CALCR: variants seen among roughly 807,000 people sequenced by gnomAD.
The protein encoded by CALCR is calcitonin receptor.
A neutral mutation model predicts 59.5 loss-of-function variants in CALCR; 47 were observed. That is an observed-to-expected ratio of 0.79 (90% CI 0.63 to 1.01). CALCR has a LOEUF of 1.01. CALCR is among the 50% of genes least tolerant of loss of function. CALCR has a pLI of 0.00. For missense variants in CALCR, 566 were observed against 597.1 expected (o/e 0.95, Z 0.54); for synonymous variants, 213 against 211.3 (o/e 1.01, Z -0.07).
At chr7:93,453,672 G>C (rs966276465) in intron 8 of CALCR, among the ~76,000 whole-genome samples, 1 of 151,884 alleles carries the variant, frequency 6.6e-6, no homozygotes, top group African/African-American at 2.4e-5. Context: ...TGTAAAACAT[G>C]TCACAAGATA....
intron 2 of CALCR, among the ~76,000 whole-genome samples, chr7:93,499,695 T>TA (rs1238391378): frequency 5.3e-5 from 8 of 151,786 alleles, no homozygotes; most frequent in Non-Finnish European, 1.0e-4. Flanking sequence ...ATTGGTTAAA[T>TA]ATGTTGGTGC....
At chr7:93,555,827 G>A (rs537212592) in intron 2 of CALCR, among the ~76,000 whole-genome samples, 11 of 152,216 alleles carry the variant, frequency 7.2e-5, no homozygotes, top group Non-Finnish European at 2.9e-5. Flanking sequence ...CTAGACTTGG[G>A]CTGATCAGTG....
rs554141474 is a variant in CALCR at position 93,481,508 on chromosome 7, GA to G, written c.52-2002del. On this transcript the variant is annotated intron_variant, in intron 3 of 13. Coordinates refer to ENST00000426151, the MANE Select transcript of CALCR (RefSeq NM_001742.4). Reference sequence around the variant, plus strand: ...CAGATAATTAGCCTAGATATTTGGGGAAAAAAATAGTTCCCAAGAAAGGGAA... The same window carrying G: ...CAGATAATTAGCCTAGATATTTGGGGAAAAAATAGTTCCCAAGAAAGGGAA... Among the ~76,000 whole-genome samples, 466 of 151,796 alleles carry G rather than the reference GA, an allele frequency of 3.1e-3. 8 individuals carry two copies. The highest frequency in any genetic ancestry group is 9.6e-4 in the Non-Finnish European group (65 of 67,808).
intron 10 of CALCR, 35 bp from the exon 11 acceptor site, chr7:93,438,161 T>C (rs1799822390): frequency 6.2e-7 from 1 of 1,610,050 alleles, no homozygotes; most frequent in Non-Finnish European, 8.5e-7. Flanking sequence ...AATACACAAA[T>C]ACATTTTGTT....
chr7:93,485,651 G>T (rs1800926175), intron 3 of CALCR, among the ~76,000 whole-genome samples: 1 of 151,492 alleles, frequency 6.6e-6, no homozygotes, highest in Non-Finnish European at 1.5e-5. Flanking sequence ...CATAAGGCCT[G>T]GGTATTTACT....
intron 3 of CALCR, 46 bp downstream of exon 3, chr7:93,486,884 TC>T (rs1484923507): frequency 9.1e-7 from 1 of 1,101,616 alleles, no homozygotes; most frequent in Non-Finnish European, 1.4e-6. Flanking sequence ...TCCTCCTTAT[TC>T]AGCATTCTTC....
intron 7 of CALCR, among the ~76,000 whole-genome samples, chr7:93,466,731 T>A (rs1252941649): frequency 1.3e-5 from 2 of 151,816 alleles, no homozygotes; most frequent in East Asian, 3.9e-4. Context: ...GTTGGGTACT[T>A]TCTAGACAAT....
chr7:93,551,699 G>A lies in CALCR; in HGVS notation c.-27+22590C>T, dbSNP rs180727192. The stretch of plus-strand genomic sequence containing the variant: ...TGGGGAGCATCTCCTGGATGGAGAG[G>A]ATGGAAGGTGCCAGTGACCTCTACT... On this transcript the variant is annotated intron_variant, in intron 2 of 13. Coordinates refer to ENST00000426151, the MANE Select transcript of CALCR (RefSeq NM_001742.4). 6.6e-5 allele frequency among the ~76,000 whole-genome samples: 10 copies of A among 152,284 alleles called. No homozygotes were observed. In the East Asian group the frequency reaches 1.9e-3, roughly 29 times the overall value.
At chr7:93,573,474 G>A (rs1048872138) in intron 2 of CALCR, among the ~76,000 whole-genome samples, 8 of 152,136 alleles carry the variant, frequency 5.3e-5, no homozygotes, top group Non-Finnish European at 1.0e-4. Context: ...CCTTAAGATC[G>A]GCAAGTGAAA....
At chr7:93,553,477 T>A (rs1277938589) in intron 2 of CALCR, among the ~76,000 whole-genome samples, 1 of 150,166 alleles carries the variant, frequency 6.7e-6, no homozygotes, top group Non-Finnish European at 1.5e-5. Context: ...TAATGAAAAC[T>A]TACCCTTTTT....
chr7:93,525,556 CT>C (rs1157796422), intron 2 of CALCR, among the ~76,000 whole-genome samples: 1 of 152,140 alleles, frequency 6.6e-6, no homozygotes, highest in Admixed American at 6.5e-5. Flanking sequence ...CAATTCAAAC[CT>C]ACTTTGTCAG....
At chr7:93,548,047 G>A (rs566992737) in intron 2 of CALCR, among the ~76,000 whole-genome samples, 30 of 152,224 alleles carry the variant, frequency 2.0e-4, no homozygotes, top group Middle Eastern at 3.4e-3. Context: ...ACTTTCTAAG[G>A]GATGGGCATA....
chr7:93,554,595 A>C (rs1388835191), intron 2 of CALCR, among the ~76,000 whole-genome samples: 2 of 151,816 alleles, frequency 1.3e-5, no homozygotes, highest in African/African-American at 4.8e-5. Context: ...GACTATAGCA[A>C]TACAGAGTCC....
At chr7:93,479,255 G>A in intron 4 of CALCR, 99 bp downstream of exon 4, 1 of 1,216,130 alleles carries the variant, frequency 8.2e-7, no homozygotes, top group South Asian at 1.6e-5. Context: ...GAAAACTGCT[G>A]GCATATTAAA....
chr7:93,452,580 C>G (rs1800132432), intron 8 of CALCR, among the ~76,000 whole-genome samples: 1 of 151,930 alleles, frequency 6.6e-6, no homozygotes, highest in African/African-American at 2.4e-5. Context: ...AAAAGTGAGT[C>G]TGTTATGCAA....
At chr7:93,497,378 T>C (rs1031511552) in intron 2 of CALCR, among the ~76,000 whole-genome samples, 16 of 151,668 alleles carry the variant, frequency 1.1e-4, no homozygotes, top group Non-Finnish European at 2.1e-4. Flanking sequence ...CATTTAATAG[T>C]TACTGTGTTT....
intron 8 of CALCR, among the ~76,000 whole-genome samples, chr7:93,447,026 T>C (rs930848182): frequency 6.6e-6 from 1 of 152,040 alleles, no homozygotes; most frequent in African/African-American, 2.4e-5. Flanking sequence ...ATTATCCACT[T>C]TGGCTTCAAT....
At chr7:93,506,419 C>T (rs1475538338) in intron 2 of CALCR, among the ~76,000 whole-genome samples, 1 of 152,178 alleles carries the variant, frequency 6.6e-6, no homozygotes, top group Non-Finnish European at 1.5e-5. Flanking sequence ...TCATAACCAA[C>T]TCACAGTGAC....
intron 8 of CALCR, among the ~76,000 whole-genome samples, chr7:93,445,237 T>C (rs564398980): frequency 6.6e-6 from 1 of 152,268 alleles, no homozygotes; most frequent in African/African-American, 2.4e-5. Flanking sequence ...ACTGGGATTA[T>C]TTAATATAAT....
Sources: gnomAD v4.1 joint callset for allele counts (sites outside exome capture counted in the v4.1 genomes callset) on GRCh38, gnomAD v4.1.1 for gene constraint, MANE v1.5 for transcripts, NCBI Gene and HGNC (gene_info 2026-07-23, HGNC 2026-07-21) for gene names.